The following COQ3 variants were observed in gnomAD, a reference collection of about 807,000 sequenced individuals.
COQ3 encodes the protein ubiquinone biosynthesis O-methyltransferase, mitochondrial.
In COQ3, 29 loss-of-function variants were observed where a neutral mutation model predicts 33.1. That is an observed-to-expected ratio of 0.88 (90% confidence interval 0.65 to 1.19). COQ3 has a LOEUF of 1.19. COQ3 is among the 50% of genes most tolerant of loss of function. COQ3 has a pLI of 0.00. For synonymous variants in COQ3, 173 were observed against 157.8 expected, an observed-to-expected ratio of 1.10 and a Z score of -0.72; for missense variants, 437 against 430.7, an observed-to-expected ratio of 1.01 and a Z score of -0.13.
intron 1 of COQ3, 40 bp downstream of exon 1, chr6:99,394,034 C>T: frequency 6.4e-7 from 1 of 1,554,366 alleles, no homozygotes. Flanking sequence ...CCAGCGCTCG[C>T]AATTGACTGC....
At chr6:99,377,553 T>G in intron 3 of COQ3, 68 bp from the exon 4 acceptor site, 7 of 1,115,310 alleles carry the variant, frequency 6.3e-6, no homozygotes, top group Non-Finnish European at 9.0e-6. Context: ...TCACAAAGTG[T>G]GTAGTTTTCA....
chr6:99,380,202 C>T lies in COQ3; in HGVS notation c.373G>A (p.Val125Met), dbSNP rs755226826. The stretch of plus-strand genomic sequence containing the variant: ...CTGGAGTGTTACCTAATAAATGGCA[C>T]CCTCAGGTCATTCATGGAATGAAGA... ...APLHSMNDLR[V>M]PFIRDNLLKT... Residue 125 changes from valine to methionine, a missense_variant, in exon 3 of 7, where the codon GTG becomes ATG. Coordinates refer to ENST00000254759, the MANE Select transcript of COQ3 (RefSeq NM_017421.4). 10 of 1,613,758 alleles carry T rather than the reference C, an allele frequency of 6.2e-6. No homozygotes were observed. Among genetic ancestry groups the T allele is most frequent in the Non-Finnish European group, 8.5e-6 (10 of 1,179,826 alleles).
intron 5 of COQ3, among the ~76,000 whole-genome samples, chr6:99,372,816 T>C (rs183049492): frequency 6.6e-5 from 10 of 152,056 alleles, no homozygotes; most frequent in African/African-American, 2.4e-4. Flanking sequence ...AACATTCTCA[T>C]TAGCCTGATG....
intron 6 of COQ3, 81 bp downstream of exon 6, chr6:99,371,347 A>G: frequency 1.1e-6 from 1 of 882,152 alleles, no homozygotes; most frequent in Non-Finnish European, 1.7e-6. Context: ...ATTAAGTGCT[A>G]GGCTAAGTGC....
chr6:99,392,967 C>T (rs757480482), intron 1 of COQ3, among the ~76,000 whole-genome samples: 57 of 152,112 alleles, frequency 3.7e-4, no homozygotes, highest in Non-Finnish European at 7.6e-4. Flanking sequence ...GGATTAAATG[C>T]TCCTTCTATG....
intron 3 of COQ3, among the ~76,000 whole-genome samples, chr6:99,379,303 G>A (rs1011391188): frequency 5.9e-5 from 9 of 152,106 alleles, no homozygotes; most frequent in Non-Finnish European, 1.2e-4. Context: ...AATTCATCAC[G>A]TTAAGTGAGA....
rs373853857 is a variant in COQ3 at position 99,392,371 on chromosome 6, A to C, written c.106+1703T>G. Reference sequence around the variant, plus strand: ...CCCACATTCTATGTAGACAGCTGCCAAGTGTTATTTCTTAAACATAAATCT... The same window carrying C: ...CCCACATTCTATGTAGACAGCTGCCCAGTGTTATTTCTTAAACATAAATCT... On this transcript the variant is annotated intron_variant, in intron 1 of 6. Coordinates refer to ENST00000254759, the MANE Select transcript of COQ3 (RefSeq NM_017421.4). 2.6e-5 allele frequency among the ~76,000 whole-genome samples: 4 copies of C among 152,172 alleles called. No homozygotes were observed. In the East Asian group the frequency reaches 7.7e-4, roughly 29 times the overall value.
At chr6:99,372,303 G>A (rs549682773) in intron 5 of COQ3, among the ~76,000 whole-genome samples, 232 of 152,052 alleles carry the variant, frequency 1.5e-3, no homozygotes, top group Non-Finnish European at 2.9e-3. Context: ...TACTCAGGAG[G>A]CTGAGGCAGG....
At chr6:99,393,011 T>C (rs973182644) in intron 1 of COQ3, among the ~76,000 whole-genome samples, 1 of 152,190 alleles carries the variant, frequency 6.6e-6, no homozygotes, top group African/African-American at 2.4e-5. Context: ...AGGTTTATTA[T>C]ATCTTTTCTA....
intron 1 of COQ3, among the ~76,000 whole-genome samples, chr6:99,391,487 G>A (rs1774828848): frequency 6.6e-6 from 1 of 152,110 alleles, no homozygotes; most frequent in African/African-American, 2.4e-5. Context: ...ACTTTAGGTA[G>A]ATACATGAGA....
At chr6:99,386,403 C>G (rs928107636) in intron 1 of COQ3, among the ~76,000 whole-genome samples, 2 of 152,150 alleles carry the variant, frequency 1.3e-5, no homozygotes, top group African/African-American at 4.8e-5. Flanking sequence ...GCACTCCAGC[C>G]TGGGTGACAG....
chr6:99,385,830 A>G (rs1398577006), intron 1 of COQ3, among the ~76,000 whole-genome samples: 1 of 151,840 alleles, frequency 6.6e-6, no homozygotes, highest in Non-Finnish European at 1.5e-5. Flanking sequence ...TACAAAAATT[A>G]GCTGGGGATG....
chr6:99,380,408 T>G (rs1339482626), intron 2 of COQ3, 67 bp from the exon 3 acceptor site: 3 of 1,496,622 alleles, frequency 2.0e-6, no homozygotes, highest in Non-Finnish European at 1.8e-6. Context: ...CATGGGATAT[T>G]ATGTAGAAAG....
intron 4 of COQ3, among the ~76,000 whole-genome samples, chr6:99,376,519 A>G (rs900284789): frequency 2.0e-5 from 3 of 152,266 alleles, no homozygotes; most frequent in Non-Finnish European, 2.9e-5. Context: ...AAATGTAACA[A>G]GCCATTGAAA....
At chr6:99,386,822 C>T (rs960801242) in intron 1 of COQ3, among the ~76,000 whole-genome samples, 3 of 152,076 alleles carry the variant, frequency 2.0e-5, no homozygotes, top group Admixed American at 6.6e-5. Flanking sequence ...TCTCCAGTCT[C>T]GGATGGCTTC....
chr6:99,382,064 G>A (rs1406379140), intron 2 of COQ3, among the ~76,000 whole-genome samples: 1 of 151,960 alleles, frequency 6.6e-6, no homozygotes, highest in Non-Finnish European at 1.5e-5. Context: ...GATCATGTCT[G>A]TCTTCCACTA....
At chr6:99,385,284 A>G (rs1774592990) in intron 1 of COQ3, among the ~76,000 whole-genome samples, 2 of 152,228 alleles carry the variant, frequency 1.3e-5, no homozygotes, top group African/African-American at 4.8e-5. Flanking sequence ...GAACAGAACA[A>G]GACCATTATT....
At chr6:99,389,893 C>T (rs1027687970) in intron 1 of COQ3, among the ~76,000 whole-genome samples, 16 of 152,118 alleles carry the variant, frequency 1.1e-4, no homozygotes, top group Admixed American at 1.0e-3. Context: ...GTGGGCGGAT[C>T]ACTTGAGGTC....
At chr6:99,370,538 AG>A (rs1400323958) in intron 6 of COQ3, among the ~76,000 whole-genome samples, 1 of 151,654 alleles carries the variant, frequency 6.6e-6, no homozygotes, top group Non-Finnish European at 1.5e-5. Context: ...TAGTAGAGAC[AG>A]GGTTTCACCA....
Sources: gnomAD v4.1 joint callset for allele counts (sites outside exome capture counted in the v4.1 genomes callset) on GRCh38, gnomAD v4.1.1 for gene constraint, MANE v1.5 for transcripts, NCBI Gene and HGNC (gene_info 2026-07-23, HGNC 2026-07-21) for gene names.